Variants in CFAP221 observed in about 807,000 individuals in gnomAD.
The protein encoded by CFAP221 is cilia and flagella associated protein 221.
Under a neutral mutation model 113.1 loss-of-function variants are expected in CFAP221, and 97 were observed. The observed-to-expected ratio is 0.86, with a 90% CI of 0.73 to 1.02. The LOEUF is 1.02. Ranked by LOEUF, CFAP221 falls within the 50% of genes least tolerant of loss-of-function variation. The probability of loss-of-function intolerance (pLI) is 0.00; values close to 1 mark genes in which losing one functional copy is unlikely to be tolerated. For synonymous variants in CFAP221, 331 were observed against 354.4 expected (o/e 0.93, Z 0.74); for missense variants, 1,025 against 1,013.4 (o/e 1.01, Z -0.16).
At chr2:119,588,782 G>A (rs924633733) in intron 7 of CFAP221, among the ~76,000 whole-genome samples, 1 of 152,160 alleles carries the variant, frequency 6.6e-6, no homozygotes, top group Non-Finnish European at 1.5e-5. Flanking sequence ...TACCAGTTTG[G>A]AGTTGAGAGA....
rs752924366 is a variant in CFAP221 at position 119,627,652 on chromosome 2, G to C, written c.1517-1G>C. The C allele has an allele frequency of 1.9e-6, 3 of 1,612,124 alleles. No individual in the cohort carries two copies. In the African/African-American group the frequency reaches 4.0e-5, roughly 22 times the overall value. The stretch of plus-strand genomic sequence containing the variant: ...AAAAGTGCCCTTTTTTTCACCCATA[G>C]AGGCGAATTTCTTCAAATTCTTCCT... On this transcript the variant is annotated splice_acceptor_variant, in intron 15 of 23. Coordinates refer to ENST00000413369, the MANE Select transcript of CFAP221 (RefSeq NM_001271049.2). LOFTEE classifies it high-confidence loss of function.
intron 8 of CFAP221, among the ~76,000 whole-genome samples, chr2:119,604,381 T>A (rs1684574579): frequency 6.6e-6 from 1 of 151,634 alleles, no homozygotes; most frequent in Non-Finnish European, 1.5e-5. Flanking sequence ...TTGCAGTGAG[T>A]CATGATCATG....
Position 119,627,704 on chromosome 2 carries a change from C to G in CFAP221, c.1568C>G (p.Thr523Ser). The change falls in exon 16 of 24, where the codon ACC becomes AGC. Residue 523 changes from threonine (T) to serine (S), a missense_variant. Coordinates refer to ENST00000413369, the MANE Select transcript of CFAP221 (RefSeq NM_001271049.2). Reference sequence around the variant, plus strand: ...AGGCGGATCAGTCAGGATGATTATACCAGCCGGTTCTCTGTGTCGCCCAAG... The same window carrying G: ...AGGCGGATCAGTCAGGATGATTATAGCAGCCGGTTCTCTGTGTCGCCCAAG... ...FLRRISQDDY[T>S]SRFSVSPKEV... 9 of 1,613,772 alleles carry G rather than the reference C, an allele frequency of 5.6e-6. No individual in the cohort carries two copies. Among genetic ancestry groups the G allele is most frequent in the Non-Finnish European group, 7.6e-6 (9 of 1,179,924 alleles).
chr2:119,564,597 A>G (rs935000691), intron 6 of CFAP221, among the ~76,000 whole-genome samples: 3 of 152,060 alleles, frequency 2.0e-5, no homozygotes, highest in African/African-American at 7.2e-5. Context: ...TAGCTTTGCC[A>G]GTTTTTGATC....
intron 12 of CFAP221, among the ~76,000 whole-genome samples, chr2:119,608,892 G>A (rs1433347406): frequency 6.6e-6 from 1 of 152,190 alleles, no homozygotes; most frequent in African/African-American, 2.4e-5. Context: ...CACATGGAGG[G>A]AATGGCTCAA....
chr2:119,559,883 G>T lies in CFAP221; in HGVS notation c.328-45G>T, dbSNP rs564622137. ...GTTGTCACCCCCGGTGCTGCTCTCT[G>T]TGCAGTCCGGGGCTTGTCCCAACAA... On this transcript the variant is annotated intron_variant, in intron 4 of 23. Coordinates refer to ENST00000413369, the MANE Select transcript of CFAP221 (RefSeq NM_001271049.2). 463 of 1,499,282 alleles carry T rather than the reference G, an allele frequency of 3.1e-4. 1 individual carries two copies. Among genetic ancestry groups the T allele is most frequent in the Non-Finnish European group, 3.5e-4 (391 of 1,113,622 alleles). 92.9% of individuals were successfully genotyped at this position (1,499,282 alleles called of 1,614,324 possible).
chr2:119,606,585 T>C (rs552156737), intron 11 of CFAP221, among the ~76,000 whole-genome samples: 2 of 152,238 alleles, frequency 1.3e-5, no homozygotes, highest in South Asian at 4.1e-4. Flanking sequence ...TTCCCTATTA[T>C]GAAAAACAGG....
chr2:119,654,679 T>C (rs769045117), intron 23 of CFAP221, among the ~76,000 whole-genome samples: 2 of 152,210 alleles, frequency 1.3e-5, no homozygotes, highest in Non-Finnish European at 2.9e-5. Context: ...TATAAACATT[T>C]TCTGCACACC....
At chr2:119,659,360 C>CAT (rs1429448868), downstream of CFAP221, among the ~76,000 whole-genome samples, 3 of 152,170 alleles carry the variant, frequency 2.0e-5, no homozygotes, top group Non-Finnish European at 4.4e-5. Flanking sequence ...GTTGTGTTTT[C>CAT]ATATGAGTTA....
intron 7 of CFAP221, among the ~76,000 whole-genome samples, chr2:119,597,553 G>A (rs1057177300): frequency 6.6e-6 from 1 of 152,176 alleles, no homozygotes; most frequent in Non-Finnish European, 1.5e-5. Context: ...CCAATACTTA[G>A]AATGTTACCA....
Position 119,605,170 on chromosome 2 carries a change from C to T in CFAP221, c.1025-11C>T. The T allele has an allele frequency of 3.1e-6, 5 of 1,605,956 alleles. 1 individual carries two copies. The South Asian group carries it at 4.4e-5, about 14-fold the overall frequency. The stretch of plus-strand genomic sequence containing the variant: ...ATTACTGGTATAAACATTGTCTGCT[C>T]CTGCCTTCAGTTTTGGACCAGGGCA... On this transcript the variant is annotated splice_polypyrimidine_tract_variant and intron_variant, in intron 10 of 23. Transcript: ENST00000413369.
At chr2:119,567,488 A>C (rs1681736166) in intron 6 of CFAP221, among the ~76,000 whole-genome samples, 1 of 152,234 alleles carries the variant, frequency 6.6e-6, no homozygotes, top group East Asian at 1.9e-4. Context: ...TCCATAGTAT[A>C]GATGTACTAC....
intron 13 of CFAP221, among the ~76,000 whole-genome samples, chr2:119,613,214 A>G (rs1294194442): frequency 6.6e-6 from 1 of 152,120 alleles, no homozygotes; most frequent in Non-Finnish European, 1.5e-5. Flanking sequence ...GCTTTCACAG[A>G]CTGGCATTGA....
At position 119,638,330 on chromosome 2, in the gene CFAP221, A is replaced by G. The variant is rs774961068; in HGVS notation, c.2046A>G (p.Leu682=). The part of the protein sequence containing the change: ...TYAETLIDYH[L]CSHPKYKFTK... ...CAGAAACGTTGATAGATTACCATCT[A>G]TGCTCTCACCCCAAGTACAAATTCA... is the stretch of plus-strand genomic sequence containing the variant. The change falls in exon 20 of 24, where the codon CTA becomes CTG. Residue 682 remains leucine, a synonymous_variant. Coordinates refer to ENST00000413369, the MANE Select transcript of CFAP221 (RefSeq NM_001271049.2). The G allele has an allele frequency of 4.3e-6, 7 of 1,614,092 alleles. No individual in the cohort carries two copies. In the Admixed American group the frequency reaches 5.0e-5, roughly 12 times the overall value.
intron 6 of CFAP221, among the ~76,000 whole-genome samples, chr2:119,567,773 C>CA (rs1681753150): frequency 6.6e-6 from 1 of 152,210 alleles, no homozygotes; most frequent in African/African-American, 2.4e-5. Flanking sequence ...CTGATGTTCA[C>CA]AGTGATTACT....
At chr2:119,588,900 T>C (rs943525228) in intron 7 of CFAP221, among the ~76,000 whole-genome samples, 32 of 151,906 alleles carry the variant, frequency 2.1e-4, no homozygotes, top group Non-Finnish European at 3.2e-4. Flanking sequence ...GATAGAGAAG[T>C]GGACCGAGGG....
At chr2:119,563,456 T>A (rs1490100937) in intron 6 of CFAP221, among the ~76,000 whole-genome samples, 1 of 152,168 alleles carries the variant, frequency 6.6e-6, no homozygotes, top group Non-Finnish European at 1.5e-5. Flanking sequence ...TGTTAAAATA[T>A]TTAAATACTT....
chr2:119,644,359 G>A (rs1687673105), intron 21 of CFAP221, among the ~76,000 whole-genome samples: 1 of 152,090 alleles, frequency 6.6e-6, no homozygotes, highest in Non-Finnish European at 1.5e-5. Context: ...ATTCCATTGT[G>A]CTAGACCAGC....
chr2:119,606,522 A>T (rs993701324), intron 11 of CFAP221, among the ~76,000 whole-genome samples: 1 of 152,158 alleles, frequency 6.6e-6, no homozygotes, highest in East Asian at 1.9e-4. Context: ...GTCCCGCCTC[A>T]GTTAACGGGA....
Sources: gnomAD v4.1 joint callset for allele counts (sites outside exome capture counted in the v4.1 genomes callset) on GRCh38, gnomAD v4.1.1 for gene constraint, MANE v1.5 for transcripts, NCBI Gene and HGNC (gene_info 2026-07-23, HGNC 2026-07-21) for gene names.